KLF6: variants seen among roughly 807,000 people sequenced by gnomAD.
KLF6 encodes the protein KLF transcription factor 6.
For synonymous variants in KLF6, 152 were observed against 147.9 expected, an observed-to-expected ratio of 1.03 and a Z score of -0.20; for missense variants, 233 against 359.8, an observed-to-expected ratio of 0.65 and a Z score of 2.85.
Position 3,776,998 on chromosome 10 carries a change from A to G in KLF6, c.*2541T>C. 1 of 516,186 alleles carries G rather than the reference A, an allele frequency of 1.9e-6. No individual in the cohort carries two copies. Among genetic ancestry groups the G allele is most frequent in the Non-Finnish European group, 3.8e-6 (1 of 265,084 alleles). 32.0% of individuals were successfully genotyped at this position (516,186 alleles called of 1,614,324 possible). On this transcript the variant is annotated 3_prime_UTR_variant, in exon 4 of 4. Coordinates refer to ENST00000497571, the MANE Select transcript of KLF6 (RefSeq NM_001300.6). ...GAATTGTTATGGCTAAGCACATAGAAGGCCAAAAAAGGAGTTTTCCAAACC... is the reference window on the plus strand; with the variant it reads ...GAATTGTTATGGCTAAGCACATAGAGGGCCAAAAAAGGAGTTTTCCAAACC...
At position 3,776,002 on chromosome 10, in the gene KLF6, T is replaced by G. The variant is rs1163313896; in HGVS notation, c.*3537A>C. ...AAAAGAGATGTAACTCCTCTGGCAGTGATGTCATCTTTTATTTTCTGCCCT... is the reference window on the plus strand; with the variant it reads ...AAAAGAGATGTAACTCCTCTGGCAGGGATGTCATCTTTTATTTTCTGCCCT... On this transcript the variant is annotated 3_prime_UTR_variant, in exon 4 of 4. Coordinates refer to ENST00000497571, the MANE Select transcript of KLF6 (RefSeq NM_001300.6). 2.2e-6 allele frequency: 1 copy of G among 465,022 alleles called. No individual in the cohort carries two copies. Among genetic ancestry groups the G allele is most frequent in the Non-Finnish European group, 4.3e-6 (1 of 234,020 alleles). 28.8% of individuals were successfully genotyped at this position (465,022 alleles called of 1,614,324 possible).
At position 3,777,768 on chromosome 10, in the gene KLF6, AT is replaced by A. The variant is rs1376950803; in HGVS notation, c.*1770del. ...TATTATCTATATATATAATATATAT[AT>A]ATACACACATACACATACTGTACAC... On this transcript the variant is annotated 3_prime_UTR_variant, in exon 4 of 4. Coordinates refer to ENST00000497571, the MANE Select transcript of KLF6 (RefSeq NM_001300.6). 7 of 390,150 alleles carry A rather than the reference AT, an allele frequency of 1.8e-5. No individual in the cohort carries two copies. The highest frequency in any genetic ancestry group is 3.4e-5 in the Non-Finnish European group (7 of 207,434). 24.2% of individuals were successfully genotyped at this position (390,150 alleles called of 1,614,324 possible).
At chr10:3,779,941 G>A (rs1463800284) in intron 3 of KLF6, among the ~76,000 whole-genome samples, 165 bp downstream of exon 3, 1 of 152,204 alleles carries the variant, frequency 6.6e-6, no homozygotes, top group African/African-American at 2.4e-5. Flanking sequence ...CATGGACAAT[G>A]AGCACACCAG....
intron 1 of KLF6, 25 bp downstream of exon 1, chr10:3,784,888 G>T (rs769536025): frequency 3.1e-6 from 5 of 1,588,060 alleles, no homozygotes; most frequent in Middle Eastern, 1.9e-4. Flanking sequence ...GGCGCCCGCA[G>T]GGAACCGCGG....
chr10:3,781,892 G>T lies in KLF6; in HGVS notation c.425C>A (p.Ser142Tyr), dbSNP rs11252089. The T allele has an allele frequency of 1.2e-6, 2 of 1,614,206 alleles. No individual in the cohort carries two copies. Among genetic ancestry groups the T allele is most frequent in the East Asian group, 2.2e-5 (1 of 44,878 alleles). Residue 142 changes from serine (S) to tyrosine (Y), a missense_variant, in exon 2 of 4, where the codon TCC (serine) becomes TAC (tyrosine). Coordinates refer to ENST00000497571, the MANE Select transcript of KLF6 (RefSeq NM_001300.6). The surrounding 1 kb of genome is among the most constrained non-coding windows in gnomAD (Gnocchi z 5.8). ...AGATGGAGGCGTGGAGGTGACAGAG[G>T]AGCTCAATTTTCCCGAGCTGACCAA... ...EVLVSSGKLS[S>Y]SVTSTPPSSP... is the part of the protein sequence containing the mutation.
At position 3,780,764 on chromosome 10, in the gene KLF6, T is replaced by C. The variant is rs1243321566; in HGVS notation, c.677-535A>G. The C allele has an allele frequency of 1.0e-5, 2 of 190,926 alleles. No individual in the cohort carries two copies. Among genetic ancestry groups the C allele is most frequent in the Admixed American group, 5.3e-5 (1 of 18,894 alleles). 11.8% of individuals were successfully genotyped at this position (190,926 alleles called of 1,614,324 possible). A position where few individuals can be genotyped will look rare whatever the true frequency, so the allele number is the denominator to read the frequency against. On this transcript the variant is annotated intron_variant, in intron 2 of 3. Transcript: ENST00000497571. This position sits in a 1 kb window ranked among gnomAD's most constrained non-coding sequence, Gnocchi z 4.6. Reference sequence around the variant, plus strand: ...TGGCAATTGAACAACTGGGTTCACTTCATTCCTTGGTCAAATCATAAATAT... The same window carrying C: ...TGGCAATTGAACAACTGGGTTCACTCCATTCCTTGGTCAAATCATAAATAT...
chr10:3,781,471 C>A lies in KLF6; in HGVS notation c.676+170G>T. On this transcript the variant is annotated intron_variant, in intron 2 of 3. Transcript: ENST00000497571. This position sits in a 1 kb window ranked among gnomAD's most constrained non-coding sequence, Gnocchi z 5.8. Reference sequence around the variant, plus strand: ...ACTCAAAAGTCCAGTCTTTAGGATTCTACTCTGAACTCCAAAAAGACCTAA... The same window carrying A: ...ACTCAAAAGTCCAGTCTTTAGGATTATACTCTGAACTCCAAAAAGACCTAA... 6.5e-7 allele frequency: 1 copy of A among 1,547,730 alleles called. No individual in the cohort carries two copies. Among genetic ancestry groups the A allele is most frequent in the South Asian group, 1.2e-5 (1 of 83,558 alleles).
At position 3,781,621 on chromosome 10, in the gene KLF6, G is replaced by T; in HGVS notation, c.676+20C>A. On this transcript the variant is annotated intron_variant, in intron 2 of 3. Transcript: ENST00000497571. The surrounding 1 kb of genome is among the most constrained non-coding windows in gnomAD (Gnocchi z 5.8). ...GGCGCCCACCAGCGGCCGCCCTCCG[G>T]GGCCCGCGTGGGCACTGACCTGTGT... 1 of 1,611,366 alleles carries T rather than the reference G, an allele frequency of 6.2e-7. No homozygotes were observed.
In KLF6 at chr10:3,780,086, C is replaced by T. The variant is rs1220085213; in HGVS notation, c.800+20G>A. Reference sequence around the variant, plus strand: ...CCAAGGCCCCACGCTCCTTGCCCAGCATTGTCCTCAGGCACGTACCTGTCA... The same window carrying T: ...CCAAGGCCCCACGCTCCTTGCCCAGTATTGTCCTCAGGCACGTACCTGTCA... On this transcript the variant is annotated intron_variant, in intron 3 of 3. Coordinates refer to ENST00000497571, the MANE Select transcript of KLF6 (RefSeq NM_001300.6). The surrounding 1 kb of genome is among the most constrained non-coding windows in gnomAD (Gnocchi z 4.6). 3.7e-6 allele frequency: 6 copies of T among 1,614,112 alleles called. No individual in the cohort carries two copies. Among genetic ancestry groups the T allele is most frequent in the South Asian group, 1.1e-5 (1 of 91,080 alleles).
At position 3,779,423 on chromosome 10, in the gene KLF6, A is replaced by G. The variant is rs1357704658; in HGVS notation, c.*116T>C. ...AAGACCTTCCAAGGAGAGGCCCTGG[A>G]GGCAACTGGGTAGGGTGCAGAACGG... On this transcript the variant is annotated 3_prime_UTR_variant, in exon 4 of 4. Transcript: ENST00000497571. 2 of 890,798 alleles carry G rather than the reference A, an allele frequency of 2.2e-6. No homozygotes were observed. Among genetic ancestry groups the G allele is most frequent in the Admixed American group, 3.8e-5 (2 of 52,420 alleles). 55.2% of individuals were successfully genotyped at this position (890,798 alleles called of 1,614,324 possible).
rs1421609053 is a variant in KLF6 at position 3,782,575 on chromosome 10, C to T, written c.103-361G>A. ...GAACCGGCCCCATACACATACTCCT[C>T]CCCAACAGGTTCAACCAGATTATCT... On this transcript the variant is annotated intron_variant, in intron 1 of 3. Transcript: ENST00000497571. The surrounding 1 kb of genome is among the most constrained non-coding windows in gnomAD (Gnocchi z 4.3). Among the ~76,000 whole-genome samples the T allele has an allele frequency of 6.6e-6, 1 of 152,224 alleles. No individual in the cohort carries two copies. Among genetic ancestry groups the T allele is most frequent in the Non-Finnish European group, 1.5e-5 (1 of 68,044 alleles).
chr10:3,782,127 A>G lies in KLF6; in HGVS notation c.190T>C (p.Trp64Arg), dbSNP rs121909142. Reference protein sequence around the residue: ...EIKFDSQEDLWTKIILAREKK... With the variant: ...EIKFDSQEDLRTKIILAREKK... Reference sequence around the variant, plus strand: ...TCCCGAGCCAGAATGATTTTGGTCCACAGATCTTCCTGGCTGTCAAATTTG... The same window carrying G: ...TCCCGAGCCAGAATGATTTTGGTCCGCAGATCTTCCTGGCTGTCAAATTTG... Residue 64 changes from tryptophan (W) to arginine (R), a missense_variant, in exon 2 of 4, where the codon TGG becomes CGG. Physicochemically the swap from Trp to Arg is moderately radical, Grantham distance 101. Transcript: ENST00000497571. This position sits in a 1 kb window ranked among gnomAD's most constrained non-coding sequence, Gnocchi z 4.3. The G allele has an allele frequency of 6.2e-7, 1 of 1,614,106 alleles. No homozygotes were observed. Among genetic ancestry groups the G allele is most frequent in the Non-Finnish European group, 8.5e-7 (1 of 1,180,024 alleles).
At position 3,780,095 on chromosome 10, in the gene KLF6, C is replaced by A; in HGVS notation, c.800+11G>T. 3.1e-6 allele frequency: 5 copies of A among 1,614,190 alleles called. No homozygotes were observed. Among genetic ancestry groups the A allele is most frequent in the Non-Finnish European group, 4.2e-6 (5 of 1,180,042 alleles). On this transcript the variant is annotated intron_variant, in intron 3 of 3. Transcript: ENST00000497571. This position sits in a 1 kb window ranked among gnomAD's most constrained non-coding sequence, Gnocchi z 4.6. ...CACGCTCCTTGCCCAGCATTGTCCTCAGGCACGTACCTGTCACAGTGGGAG... is the reference window on the plus strand; with the variant it reads ...CACGCTCCTTGCCCAGCATTGTCCTAAGGCACGTACCTGTCACAGTGGGAG...
In KLF6 at chr10:3,777,687, G is replaced by T. The variant is rs1832421869; in HGVS notation, c.*1852C>A. The T allele has an allele frequency of 2.2e-6, 1 of 457,352 alleles. No homozygotes were observed. Among genetic ancestry groups the T allele is most frequent in the Non-Finnish European group, 4.3e-6 (1 of 230,848 alleles). 28.3% of individuals were successfully genotyped at this position (457,352 alleles called of 1,614,324 possible). On this transcript the variant is annotated 3_prime_UTR_variant, in exon 4 of 4. Transcript: ENST00000497571. ...GGCCATTTTGAAATATTTCTTCACA[G>T]GCTGTGGAATTTTCTAGCTAAACAT... is the stretch of plus-strand genomic sequence containing the variant.
rs11252089 is a variant in KLF6 at position 3,781,892 on chromosome 10, G to A, written c.425C>T (p.Ser142Phe). 6.2e-7 allele frequency: 1 copy of A among 1,614,206 alleles called. No individual in the cohort carries two copies. The highest frequency in any genetic ancestry group is 2.2e-5 in the East Asian group (1 of 44,878). ...EVLVSSGKLS[S>F]SVTSTPPSSP... ...AGATGGAGGCGTGGAGGTGACAGAGGAGCTCAATTTTCCCGAGCTGACCAA... is the reference window on the plus strand; with the variant it reads ...AGATGGAGGCGTGGAGGTGACAGAGAAGCTCAATTTTCCCGAGCTGACCAA... Residue 142 changes from serine (S) to phenylalanine (F), a missense_variant, in exon 2 of 4, where the codon TCC becomes TTC. Ser to Phe is a radical substitution (Grantham distance 155). Transcript: ENST00000497571. This position sits in a 1 kb window ranked among gnomAD's most constrained non-coding sequence, Gnocchi z 5.8.
In KLF6 at chr10:3,780,582, A is replaced by G; in HGVS notation, c.677-353T>C. On this transcript the variant is annotated intron_variant, in intron 2 of 3. Coordinates refer to ENST00000497571, the MANE Select transcript of KLF6 (RefSeq NM_001300.6). This position sits in a 1 kb window ranked among gnomAD's most constrained non-coding sequence, Gnocchi z 4.6. ...CAAAGGCAGAGCTATTGCTTTCTTC[A>G]TGGCAACTGTTTCTCCCAAACACAC... 1 of 380,222 alleles carries G rather than the reference A, an allele frequency of 2.6e-6. No individual in the cohort carries two copies. The highest frequency in any genetic ancestry group is 2.1e-5 in the South Asian group (1 of 46,910). 23.6% of individuals were successfully genotyped at this position (380,222 alleles called of 1,614,324 possible).
chr10:3,784,851 C>T (rs2131102604), intron 1 of KLF6, 62 bp downstream of exon 1: 6 of 1,529,042 alleles, frequency 3.9e-6, no homozygotes, highest in Non-Finnish European at 4.4e-6. Context: ...GGTCTGAACC[C>T]CAAACAGCCG....
rs1363196245 is a variant in KLF6, at chr10:3,781,631, G to A, written c.676+10C>T. 1.9e-6 allele frequency: 3 copies of A among 1,612,308 alleles called. No individual in the cohort carries two copies. Among genetic ancestry groups the A allele is most frequent in the South Asian group, 2.2e-5 (2 of 90,940 alleles). On this transcript the variant is annotated intron_variant, in intron 2 of 3. Transcript: ENST00000497571. This position sits in a 1 kb window ranked among gnomAD's most constrained non-coding sequence, Gnocchi z 5.8. Reference sequence around the variant, plus strand: ...AGCGGCCGCCCTCCGGGGCCCGCGTGGGCACTGACCTGTGTGCGTCCGCTG... The same window carrying A: ...AGCGGCCGCCCTCCGGGGCCCGCGTAGGCACTGACCTGTGTGCGTCCGCTG...
chr10:3,784,806 C>CG, intron 1 of KLF6, 107 bp downstream of exon 1: 1 of 1,051,558 alleles, frequency 9.5e-7, no homozygotes, highest in Non-Finnish European at 1.3e-6. Flanking sequence ...GGTGACAGCG[C>CG]GGGGCCCAGG....
Sources: allele counts gnomAD v4.1 joint callset (sites outside exome capture counted in the v4.1 genomes callset), GRCh38; gene constraint gnomAD v4.1.1; non-coding constraint Gnocchi (gnomAD v3.1); transcripts MANE v1.5; gene names NCBI Gene and HGNC (gene_info 2026-07-23, HGNC 2026-07-21).